The following GABRB1 variants were observed in gnomAD, a reference collection of about 807,000 sequenced individuals.
GABRB1 encodes the protein gamma-aminobutyric acid type A receptor subunit beta1.
A neutral mutation model predicts 51.6 loss-of-function variants in GABRB1; 17 were observed. The observed-to-expected ratio is 0.33, with a 90% CI of 0.23 to 0.49. The LOEUF (loss-of-function observed/expected upper bound fraction) is 0.49, where lower values mean the gene tolerates loss of function less well. GABRB1 is among the 20% of genes least tolerant of loss of function. GABRB1 has a pLI of 0.99. For synonymous variants in GABRB1, 247 were observed against 218.9 expected, an observed-to-expected ratio of 1.13 and a Z score of -1.14; for missense variants, 410 against 600.6, an observed-to-expected ratio of 0.68 and a Z score of 3.32.
chr4:47,057,181 C>T (rs1726649980), intron 3 of GABRB1, among the ~76,000 whole-genome samples: 1 of 152,164 alleles, frequency 6.6e-6, no homozygotes, highest in African/African-American at 2.4e-5. Flanking sequence ...TTACATTTAC[C>T]ACTCACAATA....
intron 3 of GABRB1, among the ~76,000 whole-genome samples, chr4:47,038,737 A>T (rs1348189783): frequency 6.6e-6 from 1 of 152,220 alleles, no homozygotes; most frequent in Non-Finnish European, 1.5e-5. Flanking sequence ...AAACACTCAT[A>T]CACAAATGAA....
At chr4:47,379,938 T>C (rs1344629300) in intron 5 of GABRB1, among the ~76,000 whole-genome samples, 2 of 152,160 alleles carry the variant, frequency 1.3e-5, no homozygotes, top group African/African-American at 2.4e-5. Flanking sequence ...TCTTCCCTAA[T>C]GTTTGCTGTA....
intron 1 of GABRB1, among the ~76,000 whole-genome samples, chr4:47,020,398 G>T (rs889363514): frequency 1.3e-5 from 2 of 152,036 alleles, no homozygotes; most frequent in African/African-American, 4.8e-5. Flanking sequence ...TCCAACCAAG[G>T]CCTCTTCCTT....
chr4:47,048,353 G>A (rs1031871011), intron 3 of GABRB1, among the ~76,000 whole-genome samples: 7 of 152,090 alleles, frequency 4.6e-5, no homozygotes, highest in Non-Finnish European at 7.4e-5. Flanking sequence ...ATGTCACTGA[G>A]CTTCAGAGTA....
chr4:47,032,441 G>A lies in GABRB1; in HGVS notation c.197G>A (p.Arg66Gln). ...FGGPPVDVGM[R>Q]IDVASIDMVS... is the part of the protein sequence containing the mutation. Reference sequence around the variant, plus strand: ...GGGCCCCCCGTCGACGTTGGGATGCGGATCGATGTCGCCAGCATAGACATG... The same window carrying A: ...GGGCCCCCCGTCGACGTTGGGATGCAGATCGATGTCGCCAGCATAGACATG... The change falls in exon 3 of 9, where the codon CGG becomes CAG. Residue 66 changes from arginine to glutamine, a missense_variant. This residue lies in a region of GABRB1 where 100 missense variants were observed against 184.3 expected (regional missense o/e 0.54). Coordinates refer to ENST00000295454, the MANE Select transcript of GABRB1 (RefSeq NM_000812.4). 2 of 1,598,792 alleles carry A rather than the reference G, an allele frequency of 1.3e-6. No homozygotes were observed. The highest frequency in any genetic ancestry group is 1.7e-6 in the Non-Finnish European group (2 of 1,170,064).
chr4:47,244,027 A>G (rs1208518809), intron 4 of GABRB1, among the ~76,000 whole-genome samples: 2 of 152,176 alleles, frequency 1.3e-5, no homozygotes, highest in African/African-American at 2.4e-5. Flanking sequence ...GGTTTGTCAT[A>G]AATAGCTCTT....
At chr4:47,188,374 T>A (rs1038259086) in intron 4 of GABRB1, among the ~76,000 whole-genome samples, 5 of 152,022 alleles carry the variant, frequency 3.3e-5, no homozygotes, top group Non-Finnish European at 7.4e-5. Flanking sequence ...TGTGACTGTC[T>A]AGATTGATAA....
At chr4:47,298,514 A>C (rs999819935) in intron 4 of GABRB1, among the ~76,000 whole-genome samples, 2 of 152,216 alleles carry the variant, frequency 1.3e-5, no homozygotes, top group African/African-American at 4.8e-5. Flanking sequence ...TAAAATACCT[A>C]GGAATCCAAC....
At chr4:47,150,329 CACACACACACACACGCACAT>C (rs796560717) in intron 3 of GABRB1, among the ~76,000 whole-genome samples, 2 of 139,240 alleles carry the variant, frequency 1.4e-5, no homozygotes, top group African/African-American at 5.3e-5. Flanking sequence ...CACACACACA[CACACACACACACACGCACAT>C]ACACACACAC....
intron 5 of GABRB1, among the ~76,000 whole-genome samples, chr4:47,323,175 A>C (rs1200149315): frequency 2.0e-5 from 3 of 152,176 alleles, no homozygotes; most frequent in African/African-American, 4.8e-5. Flanking sequence ...GCAGCTACAG[A>C]GAGAAGGTAG....
intron 4 of GABRB1, among the ~76,000 whole-genome samples, chr4:47,228,399 G>A (rs1265848570): frequency 6.6e-6 from 1 of 151,836 alleles, no homozygotes; most frequent in Non-Finnish European, 1.5e-5. Flanking sequence ...TCCCAAGTGT[G>A]TCAAATATGC....
chr4:47,407,442 T>G (rs1356747457), intron 8 of GABRB1, among the ~76,000 whole-genome samples: 2 of 152,242 alleles, frequency 1.3e-5, no homozygotes, highest in Admixed American at 6.5e-5. Context: ...CTCACAGAGT[T>G]GTTTTAAGAA....
At chr4:47,239,068 T>C (rs917105517) in intron 4 of GABRB1, among the ~76,000 whole-genome samples, 1 of 152,226 alleles carries the variant, frequency 6.6e-6, no homozygotes, top group Non-Finnish European at 1.5e-5. Flanking sequence ...ATGTATTTTT[T>C]TAACTTTTTA....
In GABRB1 at chr4:47,107,957, T is replaced by G. The variant is rs1219710904; in HGVS notation, c.241-53292T>G. On this transcript the variant is annotated intron_variant, in intron 3 of 8. Transcript: ENST00000295454. ...TGAATTCTTTTTATCAATACTTCGT[T>G]TGATCAACAATATTTTGTTTTTGTT... 9.9e-5 allele frequency among the ~76,000 whole-genome samples: 15 copies of G among 152,192 alleles called. No homozygotes were observed. In the East Asian group the frequency reaches 2.9e-3, roughly 29 times the overall value.
chr4:47,257,264 C>A (rs993135766), intron 4 of GABRB1, among the ~76,000 whole-genome samples: 2 of 152,070 alleles, frequency 1.3e-5, no homozygotes, highest in African/African-American at 4.8e-5. Context: ...TTTCCTTTTC[C>A]CTTCAGGTTT....
intron 4 of GABRB1, among the ~76,000 whole-genome samples, chr4:47,278,923 G>T (rs934906636): frequency 2.0e-5 from 3 of 152,174 alleles, no homozygotes; most frequent in African/African-American, 7.2e-5. Flanking sequence ...CTGAGGGTCA[G>T]TGCACAAGCT....
At chr4:47,333,893 A>G (rs4295236) in intron 5 of GABRB1, among the ~76,000 whole-genome samples, 6,610 of 152,330 alleles carry the variant, frequency 0.043, 364 homozygotes, top group East Asian at 0.28. Context: ...GATTTCTCAG[A>G]AAACTCCTAG....
At chr4:47,126,170 G>A (rs566724383) in intron 3 of GABRB1, among the ~76,000 whole-genome samples, 3 of 152,082 alleles carry the variant, frequency 2.0e-5, no homozygotes, top group African/African-American at 4.8e-5. Context: ...ATTATACTAA[G>A]TGAAATAAGC....
intron 7 of GABRB1, among the ~76,000 whole-genome samples, chr4:47,403,939 A>G (rs1469169040): frequency 6.6e-6 from 1 of 152,224 alleles, no homozygotes; most frequent in African/African-American, 2.4e-5. Flanking sequence ...ATCTTGGAAT[A>G]TATCTAGCAC....
Sources: allele counts gnomAD v4.1 joint callset (sites outside exome capture counted in the v4.1 genomes callset), GRCh38; gene constraint gnomAD v4.1.1; regional missense constraint gnomAD v4.1.1; transcripts MANE v1.5; gene names NCBI Gene and HGNC (gene_info 2026-07-23, HGNC 2026-07-21).